Variants in DEPDC5 observed in about 807,000 individuals in gnomAD.
DEPDC5 encodes the protein GATOR1 complex protein DEPDC5.
Under a neutral mutation model 217.3 loss-of-function variants are expected in DEPDC5, and 73 were observed. The ratio of observed to expected loss-of-function variants is 0.34; its 90% CI spans 0.28 to 0.41. DEPDC5 has a LOEUF of 0.41. Among genes scored for constraint, DEPDC5 ranks in the 10% least tolerant of loss-of-function variants. The pLI, the probability that DEPDC5 is intolerant of heterozygous loss-of-function variation, is 1.00. For synonymous variants in DEPDC5, 733 were observed against 756.7 expected (o/e 0.97, Z 0.51); for missense variants, 1,675 against 2,070.1 (o/e 0.81, Z 3.70).
intron 8 of DEPDC5, among the ~76,000 whole-genome samples, chr22:31,778,422 G>A (rs1336368014): frequency 3.9e-5 from 6 of 151,974 alleles, no homozygotes; most frequent in Admixed American, 6.6e-5. Flanking sequence ...CTAGGAGTTC[G>A]AAGCTGCAGT....
intron 10 of DEPDC5, among the ~76,000 whole-genome samples, chr22:31,785,792 G>A (rs1032940558): frequency 6.6e-6 from 1 of 152,156 alleles, no homozygotes; most frequent in East Asian, 1.9e-4. Context: ...AAACCAACCC[G>A]TACATCTATG....
chr22:31,900,085 C>T (rs1216799952), intron 40 of DEPDC5, among the ~76,000 whole-genome samples: 3 of 152,066 alleles, frequency 2.0e-5, no homozygotes, highest in Non-Finnish European at 2.9e-5. Context: ...CTTGCTCTGT[C>T]GCCCAGGCTG....
intron 4 of DEPDC5, among the ~76,000 whole-genome samples, chr22:31,761,813 A>G (rs898825749): frequency 2.6e-5 from 4 of 151,714 alleles, no homozygotes; most frequent in Admixed American, 1.3e-4. Context: ...ACTAAAATAC[A>G]AAATATTAGC....
At chr22:31,796,979 G>A (rs566066119) in intron 12 of DEPDC5, among the ~76,000 whole-genome samples, 39 of 149,824 alleles carry the variant, frequency 2.6e-4, no homozygotes, top group African/African-American at 9.6e-4. Context: ...ACAAGTATGA[G>A]CTACCATGCC....
chr22:31,836,480 T>G (rs2091003698), intron 25 of DEPDC5, among the ~76,000 whole-genome samples: 1 of 152,224 alleles, frequency 6.6e-6, no homozygotes, highest in African/African-American at 2.4e-5. Context: ...CCCACCCTTT[T>G]GAATCTGTTA....
intron 20 of DEPDC5, among the ~76,000 whole-genome samples, chr22:31,813,162 C>G (rs768986948): frequency 2.0e-4 from 31 of 152,160 alleles, no homozygotes; most frequent in Non-Finnish European, 4.3e-4. Flanking sequence ...TCATCCAGTC[C>G]TACCTGAGAA....
intron 22 of DEPDC5, 21 bp downstream of exon 22, chr22:31,819,246 A>G (rs1184278717): frequency 6.2e-7 from 1 of 1,613,556 alleles, no homozygotes; most frequent in East Asian, 2.2e-5. Flanking sequence ...TGCTTAAGAG[A>G]GAGCCTTGGA....
At chr22:31,769,437 G>C (rs948551740) in intron 7 of DEPDC5, 1 of 151,848 alleles carries the variant, frequency 6.6e-6, no homozygotes, top group Non-Finnish European at 1.5e-5. Flanking sequence ...AAAAACCCTA[G>C]ATGCACGTAT....
intron 10 of DEPDC5, among the ~76,000 whole-genome samples, chr22:31,787,031 C>T (rs577880077): frequency 2.6e-5 from 4 of 151,968 alleles, no homozygotes; most frequent in African/African-American, 9.6e-5. Flanking sequence ...CCGCCTGCCT[C>T]GGCCTCCCAA....
chr22:31,874,563 C>A (rs903882036), intron 36 of DEPDC5, among the ~76,000 whole-genome samples, 158 bp downstream of exon 36: 2 of 152,146 alleles, frequency 1.3e-5, no homozygotes, highest in African/African-American at 4.8e-5. Context: ...GATGAAAGAA[C>A]AAGTCTTGCT....
intron 8 of DEPDC5, among the ~76,000 whole-genome samples, chr22:31,779,740 G>C (rs1376700847): frequency 1.3e-5 from 2 of 152,158 alleles, no homozygotes; most frequent in Admixed American, 6.5e-5. Context: ...AGAAATCATG[G>C]ATATGTAATT....
intron 24 of DEPDC5, among the ~76,000 whole-genome samples, chr22:31,825,191 G>A (rs1044563194): frequency 9.0e-4 from 137 of 152,316 alleles, no homozygotes; most frequent in African/African-American, 3.2e-3. Flanking sequence ...TCTGATGGTA[G>A]CAGCACCAGA....
At chr22:31,796,326 A>G (rs1289069209) in intron 12 of DEPDC5, among the ~76,000 whole-genome samples, 1 of 150,028 alleles carries the variant, frequency 6.7e-6, no homozygotes, top group Non-Finnish European at 1.5e-5. Flanking sequence ...AATGGTCTCT[A>G]TCTCCTGACC....
intron 24 of DEPDC5, among the ~76,000 whole-genome samples, chr22:31,830,007 A>C (rs1324903489): frequency 6.6e-6 from 1 of 152,256 alleles, no homozygotes; most frequent in Non-Finnish European, 1.5e-5. Flanking sequence ...TATTAGGTGC[A>C]TGCAGTATAT....
chr22:31,783,152 C>T (rs775338359), intron 8 of DEPDC5, among the ~76,000 whole-genome samples: 4 of 152,134 alleles, frequency 2.6e-5, no homozygotes, highest in Admixed American at 6.6e-5. Context: ...GAACAATCAG[C>T]GCTCTGTAAA....
chr22:31,882,509 C>T (rs532433961), intron 38 of DEPDC5, among the ~76,000 whole-genome samples: 3 of 152,328 alleles, frequency 2.0e-5, no homozygotes, highest in Non-Finnish European at 4.4e-5. Flanking sequence ...ATCCAAGTGA[C>T]ACCTCCTTGT....
At chr22:31,809,672 T>C (rs1228004849) in intron 19 of DEPDC5, 25 bp downstream of exon 19, 1 of 1,613,396 alleles carries the variant, frequency 6.2e-7, no homozygotes, top group Non-Finnish European at 8.5e-7. Context: ...AGATTTTTTT[T>C]CTTGCTTTTA....
chr22:31,828,094 A>G (rs960970134), intron 24 of DEPDC5, among the ~76,000 whole-genome samples: 7 of 151,802 alleles, frequency 4.6e-5, no homozygotes, highest in Non-Finnish European at 8.8e-5. Context: ...TACTTTTTTT[A>G]TTGTAAGTTC....
intron 25 of DEPDC5, among the ~76,000 whole-genome samples, chr22:31,835,269 A>G (rs749448108): frequency 6.6e-6 from 1 of 152,190 alleles, no homozygotes; most frequent in South Asian, 2.1e-4. Context: ...CAGTGAATAG[A>G]TGATTCTATT....
Sources: gnomAD v4.1 joint callset for allele counts (sites outside exome capture counted in the v4.1 genomes callset) on GRCh38, gnomAD v4.1.1 for gene constraint, MANE v1.5 for transcripts, NCBI Gene and HGNC (gene_info 2026-07-23, HGNC 2026-07-21) for gene names.